Variants in NUP153 observed in about 807,000 individuals in gnomAD.
NUP153 encodes nucleoporin 153, also known as nuclear pore complex protein Nup153.
NUP153 carries 27 observed loss-of-function variants against 134.6 expected under a neutral mutation model. That is an observed-to-expected ratio of 0.20 (90% CI 0.15 to 0.28). The LOEUF (loss-of-function observed/expected upper bound fraction) is 0.28. Ranked by LOEUF, NUP153 falls within the 10% of genes least tolerant of loss-of-function variation. The probability of loss-of-function intolerance (pLI) is 1.00; values close to 1 mark genes in which losing one functional copy is unlikely to be tolerated. For missense variants in NUP153, 1,821 were observed against 1,731.3 expected (o/e 1.05, Z -0.92); for synonymous variants, 640 against 623.5 (o/e 1.03, Z -0.40).
At chr6:17,623,656 G>A (rs1337301500) in intron 20 of NUP153, among the ~76,000 whole-genome samples, 3 of 152,088 alleles carry the variant, frequency 2.0e-5, no homozygotes, top group Admixed American at 6.6e-5. Context: ...TAAATAAACT[G>A]CAGTATATTC....
chr6:17,632,820 C>G lies in NUP153; in HGVS notation c.2489G>C (p.Ser830Thr), dbSNP rs1435863570. ...KPGSSVPASSSSTVPVSLPSG... is the reference protein window; with the variant it reads ...KPGSSVPASSTSTVPVSLPSG... Reference sequence around the variant, plus strand: ...AGGCAGAGAGACAGGTACAGTGCTGCTACTTGAAGCAGGTACTGAACTTCC... The same window carrying G: ...AGGCAGAGAGACAGGTACAGTGCTGGTACTTGAAGCAGGTACTGAACTTCC... The change falls in exon 17 of 22, where the codon AGC becomes ACC. Residue 830 changes from serine to threonine, a missense_variant. Transcript: ENST00000262077. The G allele has an allele frequency of 7.5e-7, 1 of 1,335,118 alleles. No individual in the cohort carries two copies. Among genetic ancestry groups the G allele is most frequent in the East Asian group, 2.9e-5 (1 of 34,298 alleles). The allele number at this position is 1,335,118 out of a possible 1,614,324, so 82.7% of individuals were successfully genotyped here.
At chr6:17,655,074 T>C (rs76232907) in intron 11 of NUP153, among the ~76,000 whole-genome samples, 2,131 of 152,192 alleles carry the variant, frequency 0.014, 21 homozygotes, top group Non-Finnish European at 0.019. Context: ...TCTTCTTATA[T>C]ACTGCTACAT....
chr6:17,645,257 AAAAG>A (rs1766092576), intron 14 of NUP153, among the ~76,000 whole-genome samples: 1 of 151,852 alleles, frequency 6.6e-6, no homozygotes, highest in African/African-American at 2.4e-5. Context: ...AAAAAAAAAA[AAAAG>A]AATTCTATGT....
chr6:17,641,128 G>A (rs1765812573), intron 14 of NUP153, among the ~76,000 whole-genome samples: 1 of 152,074 alleles, frequency 6.6e-6, no homozygotes, highest in African/African-American at 2.4e-5. Context: ...ATTTTTAAGG[G>A]GCGATTTCTA....
chr6:17,648,515 G>A (rs951477812), intron 12 of NUP153, among the ~76,000 whole-genome samples: 2 of 152,146 alleles, frequency 1.3e-5, no homozygotes, highest in African/African-American at 4.8e-5. Context: ...TACTCAGGAG[G>A]CTGAGGCAGG....
At chr6:17,635,459 T>G (rs1270761999) in intron 16 of NUP153, among the ~76,000 whole-genome samples, 1 of 152,122 alleles carries the variant, frequency 6.6e-6, no homozygotes. Flanking sequence ...TGAAGCGCAG[T>G]AGCATGATCT....
intron 9 of NUP153, among the ~76,000 whole-genome samples, chr6:17,663,314 T>C (rs1433047294): frequency 6.6e-6 from 1 of 150,710 alleles, no homozygotes; most frequent in Non-Finnish European, 1.5e-5. Flanking sequence ...CAAGCCAGAG[T>C]GCAGTGGTGC....
chr6:17,668,177 G>A (rs1448854574), intron 8 of NUP153, among the ~76,000 whole-genome samples: 1 of 149,364 alleles, frequency 6.7e-6, no homozygotes, highest in Non-Finnish European at 1.5e-5. Flanking sequence ...CCGGGTTCAA[G>A]TGATTCTCCT....
In NUP153 at chr6:17,643,634, A is replaced by G. The variant is rs569180376; in HGVS notation, c.1720+2433T>C. Among the ~76,000 whole-genome samples, 11 of 152,316 alleles carry G rather than the reference A, an allele frequency of 7.2e-5. No homozygotes were observed. In the East Asian group the frequency reaches 1.3e-3, roughly 19 times the overall value. On this transcript the variant is annotated intron_variant, in intron 14 of 21. Coordinates refer to ENST00000262077, the MANE Select transcript of NUP153 (RefSeq NM_005124.4). ...CCTAAAGTATGCTCAAAAAGAGGGG[A>G]AAAGGAGACAATGGAAAACTTAGCT...
At position 17,638,903 on chromosome 6, in the gene NUP153, TGA is replaced by T. The variant is rs891392873; in HGVS notation, c.1846+1034_1846+1035del. Among the ~76,000 whole-genome samples the T allele has an allele frequency of 4.6e-5, 7 of 152,280 alleles. No homozygotes were observed. The East Asian group carries it at 9.6e-4, about 21-fold the overall frequency. ...GTAGGCAGTATACTTATCTATAAAATGAGAGAGCTGGACCAGAAAAATTGAAT... is the reference window on the plus strand; with the variant it reads ...GTAGGCAGTATACTTATCTATAAAATGAGAGCTGGACCAGAAAAATTGAAT... On this transcript the variant is annotated intron_variant, in intron 15 of 21. Coordinates refer to ENST00000262077, the MANE Select transcript of NUP153 (RefSeq NM_005124.4). This position sits in a 1 kb window ranked among gnomAD's most constrained non-coding sequence, Gnocchi z 4.0.
At chr6:17,641,697 C>T (rs993686440) in intron 14 of NUP153, among the ~76,000 whole-genome samples, 1 of 151,822 alleles carries the variant, frequency 6.6e-6, no homozygotes, top group Non-Finnish European at 1.5e-5. Context: ...ACTAAAAATA[C>T]AAAACAAATT....
chr6:17,644,226 C>T (rs1766017366), intron 14 of NUP153, among the ~76,000 whole-genome samples: 1 of 151,990 alleles, frequency 6.6e-6, no homozygotes, highest in Non-Finnish European at 1.5e-5. Flanking sequence ...TTTAAAAATT[C>T]CCAAACTCAG....
rs747419051 is a variant in NUP153, at chr6:17,616,661, A to C, written c.4209T>G (p.Asn1403Lys). Residue 1403 changes from asparagine (N) to lysine (K), a missense_variant, in exon 21 of 22, where the codon AAT (asparagine) becomes AAG (lysine). Asn to Lys is a moderately conservative substitution (Grantham distance 94). Coordinates refer to ENST00000262077, the MANE Select transcript of NUP153 (RefSeq NM_005124.4). Reference protein sequence around the residue: ...SAFQFGSSTTNFNFTNNSPSG... With the variant: ...SAFQFGSSTTKFNFTNNSPSG... ...ATGGACTGTTGTTTGTGAAGTTGAAATTTGTAGTGCTGCTGCCAAACTGGA... is the reference window on the plus strand; with the variant it reads ...ATGGACTGTTGTTTGTGAAGTTGAACTTTGTAGTGCTGCTGCCAAACTGGA... 1 of 1,613,914 alleles carries C rather than the reference A, an allele frequency of 6.2e-7. No individual in the cohort carries two copies. The highest frequency in any genetic ancestry group is 8.5e-7 in the Non-Finnish European group (1 of 1,179,814).
chr6:17,693,183 TACACAC>T (rs67348223), intron 1 of NUP153, among the ~76,000 whole-genome samples: 245 of 145,866 alleles, frequency 1.7e-3, no homozygotes, highest in South Asian at 5.9e-3. Flanking sequence ...AGCTTTTTCC[TACACAC>T]ACACACACAC....
At chr6:17,654,503 G>C (rs953736721) in intron 11 of NUP153, among the ~76,000 whole-genome samples, 1 of 152,024 alleles carries the variant, frequency 6.6e-6, no homozygotes, top group Non-Finnish European at 1.5e-5. Flanking sequence ...TGTATTTTTA[G>C]TACAGACAGG....
rs372098303 is a variant in NUP153, at chr6:17,688,592, A to C, written c.138T>G (p.Ser46=). Residue 46 remains serine (S), a synonymous_variant, in exon 2 of 22, where the codon TCT becomes TCG. Coordinates refer to ENST00000262077, the MANE Select transcript of NUP153 (RefSeq NM_005124.4). The part of the protein sequence containing the change: ...HQGILSRVTE[S]VKNIVPGWLQ... ...GCCACCCTGGCACAATATTCTTAAC[A>C]GATTCTGTAACCCTGCTAAGAATGC... is the stretch of plus-strand genomic sequence containing the variant. 1.2e-6 allele frequency: 2 copies of C among 1,613,508 alleles called. No homozygotes were observed. The highest frequency in any genetic ancestry group is 2.7e-5 in the African/African-American group (2 of 74,956).
intron 1 of NUP153, among the ~76,000 whole-genome samples, chr6:17,703,275 T>C (rs1335445304): frequency 6.6e-6 from 1 of 150,736 alleles, no homozygotes; most frequent in East Asian, 1.9e-4. Context: ...CCAGGAGAGC[T>C]AAACCCAGAA....
At chr6:17,618,389 T>G (rs896644819) in intron 20 of NUP153, among the ~76,000 whole-genome samples, 4 of 151,962 alleles carry the variant, frequency 2.6e-5, no homozygotes, top group African/African-American at 9.6e-5. Context: ...GAAAACTGAC[T>G]CAGCAAAGAA....
At chr6:17,699,273 G>A (rs1769883925) in intron 1 of NUP153, among the ~76,000 whole-genome samples, 1 of 151,530 alleles carries the variant, frequency 6.6e-6, no homozygotes, top group African/African-American at 2.4e-5. Flanking sequence ...GAGGCAGGCA[G>A]ATCACAAGGT....
Sources: gnomAD v4.1 joint callset for allele counts (sites outside exome capture counted in the v4.1 genomes callset) on GRCh38, gnomAD v4.1.1 for gene constraint, Gnocchi (gnomAD v3.1) non-coding constraint, MANE v1.5 for transcripts, NCBI Gene and HGNC (gene_info 2026-07-23, HGNC 2026-07-21) for gene names.